Variants in SERPING1 observed in about 807,000 individuals in gnomAD.
SERPING1 encodes serpin family G member 1, also known as plasma protease C1 inhibitor.
In SERPING1, 5 loss-of-function variants were observed where a neutral mutation model predicts 34.1. The ratio of observed to expected loss-of-function variants is 0.15; its 90% CI spans 0.08 to 0.31. The LOEUF (loss-of-function observed/expected upper bound fraction) is 0.31. SERPING1 is among the 10% of genes least tolerant of loss of function. The probability of loss-of-function intolerance (pLI) is 1.00; values close to 1 mark genes in which losing one functional copy is unlikely to be tolerated. For synonymous variants in SERPING1, 225 were observed against 242.4 expected, an observed-to-expected ratio of 0.93 and a Z score of 0.67; for missense variants, 505 against 609.5, an observed-to-expected ratio of 0.83 and a Z score of 1.81.
chr11:57,604,774 A>G (rs1945390269), intron 4 of SERPING1, among the ~76,000 whole-genome samples: 1 of 151,932 alleles, frequency 6.6e-6, no homozygotes, highest in South Asian at 2.1e-4. Flanking sequence ...AGGCTGAGGT[A>G]GGAGGATTGC....
At chr11:57,613,583 C>G (rs1945504337) in intron 7 of SERPING1, among the ~76,000 whole-genome samples, 1 of 152,142 alleles carries the variant, frequency 6.6e-6, no homozygotes, top group Non-Finnish European at 1.5e-5. Context: ...GGTCCTGGGC[C>G]CAGCAGCATC....
chr11:57,609,629 C>T (rs1399982590), intron 6 of SERPING1, among the ~76,000 whole-genome samples: 1 of 152,010 alleles, frequency 6.6e-6, no homozygotes, highest in Non-Finnish European at 1.5e-5. Context: ...CTCATTTGTT[C>T]TTGAATTAAT....
rs774944411 is a variant in SERPING1, at chr11:57,600,066, C to G, written c.239C>G (p.Ala80Gly). 6.2e-7 allele frequency: 1 copy of G among 1,613,960 alleles called. No homozygotes were observed. Among genetic ancestry groups the G allele is most frequent in the Non-Finnish European group, 8.5e-7 (1 of 1,179,926 alleles). ...STTNSATKIT[A>G]NTTDEPTTQP... ...ACCAATTCAGCCACCAAAATAACAG[C>G]TAATACCACTGATGAACCCACCACA... The change falls in exon 3 of 8, where the codon GCT becomes GGT. Residue 80 changes from alanine (A) to glycine (G), a missense_variant. Physicochemically the swap from Ala to Gly is moderately conservative, Grantham distance 60 (BLOSUM62 0). Coordinates refer to ENST00000278407, the MANE Select transcript of SERPING1 (RefSeq NM_000062.3).
rs1945409759 is a variant in SERPING1 at position 57,606,385 on chromosome 11, ACCC to A, written c.890-22_890-20del. The stretch of plus-strand genomic sequence containing the variant: ...TCCTTTTCCTACCTGCATTAGAGCA[ACCC>A]TCCCACCTCTTCCCTCTAGCCAAGT... On this transcript the variant is annotated intron_variant, in intron 5 of 7. Transcript: ENST00000278407. 1 of 1,613,806 alleles carries A rather than the reference ACCC, an allele frequency of 6.2e-7. No individual in the cohort carries two copies. Among genetic ancestry groups the A allele is most frequent in the Non-Finnish European group, 8.5e-7 (1 of 1,179,920 alleles).
Position 57,611,891 on chromosome 11 carries a change from A to G in SERPING1, c.1204A>G (p.Lys402Glu). ...CACTCTCCTAACACTACCCCGCATC[A>G]AAGTGACGACCAGCCAGGATATGCT... ...QPTLLTLPRI[K>E]VTTSQDMLSI... Residue 402 changes from lysine to glutamate, a missense_variant, in exon 7 of 8, where the codon AAA becomes GAA. Physicochemically the swap from Lys to Glu is moderately conservative, Grantham distance 56. Coordinates refer to ENST00000278407, the MANE Select transcript of SERPING1 (RefSeq NM_000062.3). 1 of 1,614,198 alleles carries G rather than the reference A, an allele frequency of 6.2e-7. No homozygotes were observed. Among genetic ancestry groups the G allele is most frequent in the Non-Finnish European group, 8.5e-7 (1 of 1,180,042 alleles).
rs1237625875 is a variant in SERPING1, at chr11:57,614,615, T to A, written c.*34T>A. The A allele has an allele frequency of 6.2e-7, 1 of 1,605,236 alleles. No homozygotes were observed. Among genetic ancestry groups the A allele is most frequent in the Admixed American group, 1.7e-5 (1 of 59,634 alleles). On this transcript the variant is annotated 3_prime_UTR_variant, in exon 8 of 8. Coordinates refer to ENST00000278407, the MANE Select transcript of SERPING1 (RefSeq NM_000062.3). Reference sequence around the variant, plus strand: ...GGATCAGGTTAGGGCGAGCGCTACCTCTCCAGCCTCAGCTCTCAGTTGCAG... The same window carrying A: ...GGATCAGGTTAGGGCGAGCGCTACCACTCCAGCCTCAGCTCTCAGTTGCAG...
intron 6 of SERPING1, 53 bp from the exon 7 acceptor site, chr11:57,611,664 C>T: frequency 6.6e-7 from 1 of 1,512,408 alleles, no homozygotes; most frequent in Non-Finnish European, 9.2e-7. Context: ...GAGGGTGGGG[C>T]CAGGAGAGAG....
At chr11:57,598,117 C>T in intron 1 of SERPING1, 132 bp from the exon 2 acceptor site, 1 of 649,652 alleles carries the variant, frequency 1.5e-6, no homozygotes, top group South Asian at 2.1e-5. Context: ...GAAGGTGGCC[C>T]CAGGAGGGAG....
intron 4 of SERPING1, 116 bp from the exon 5 acceptor site, chr11:57,605,894 C>A: frequency 1.0e-6 from 1 of 997,880 alleles, no homozygotes; most frequent in Non-Finnish European, 1.6e-6. Context: ...CTCCACCATG[C>A]CGTATTCACT....
chr11:57,601,401 C>CAAA (rs34815456), intron 3 of SERPING1, among the ~76,000 whole-genome samples: 221 of 143,308 alleles, frequency 1.5e-3, no homozygotes, highest in South Asian at 2.0e-3. Context: ...GACTCTGTCT[C>CAAA]AAAAAAAAAA....
chr11:57,612,045 T>C (rs1246901700), intron 7 of SERPING1, 109 bp downstream of exon 7: 9 of 955,544 alleles, frequency 9.4e-6, no homozygotes, highest in Non-Finnish European at 1.3e-5. Flanking sequence ...ATAATCTCAG[T>C]TTGTCCTGCA....
At chr11:57,604,531 C>G (rs952885305) in intron 4 of SERPING1, among the ~76,000 whole-genome samples, 2 of 151,956 alleles carry the variant, frequency 1.3e-5, no homozygotes, top group Non-Finnish European at 2.9e-5. Context: ...GAGCTCCCCA[C>G]CCAGCCTCAG....
In SERPING1 at chr11:57,606,491, A is replaced by T; in HGVS notation, c.973A>T (p.Met325Leu). 1.2e-6 allele frequency: 2 copies of T among 1,614,202 alleles called. No homozygotes were observed. The highest frequency in any genetic ancestry group is 3.3e-5 in the Admixed American group (2 of 60,018). Residue 325 changes from methionine (M) to leucine (L), a missense_variant, in exon 6 of 8, where the codon ATG becomes TTG. Transcript: ENST00000278407. ...AAACTCAGTTATAAAAGTGCCCATG[A>T]TGAATAGCAAGAAGTACCCTGTGGC... ...FKNSVIKVPMMNSKKYPVAHF... is the reference protein window; with the variant it reads ...FKNSVIKVPMLNSKKYPVAHF...
chr11:57,605,942 T>C, intron 4 of SERPING1, 68 bp from the exon 5 acceptor site: 1 of 1,409,214 alleles, frequency 7.1e-7, no homozygotes, highest in Non-Finnish European at 1.0e-6. Context: ...ATGCTCACTC[T>C]CAAATCGTGC....
Position 57,600,141 on chromosome 11 carries a change from C to A in SERPING1, c.314C>A (p.Pro105Gln). The A allele has an allele frequency of 1.2e-6, 2 of 1,613,720 alleles. No homozygotes were observed. The highest frequency in any genetic ancestry group is 1.7e-6 in the Non-Finnish European group (2 of 1,179,858). The change falls in exon 3 of 8, where the codon CCA becomes CAA. Residue 105 changes from proline to glutamine, a missense_variant. Transcript: ENST00000278407. ...CAACCCACCATCCAACCCACCCAAC[C>A]AACTACCCAGCTCCCAACAGATTCT... ...TTQPTIQPTQ[P>Q]TTQLPTDSPT...
At chr11:57,612,700 A>C (rs1320233139) in intron 7 of SERPING1, among the ~76,000 whole-genome samples, 1 of 151,288 alleles carries the variant, frequency 6.6e-6, no homozygotes, top group East Asian at 1.9e-4. Flanking sequence ...TACAGGCATG[A>C]GTCACCGCGC....
chr11:57,613,026 T>C (rs2135326387), intron 7 of SERPING1, among the ~76,000 whole-genome samples: 1 of 152,254 alleles, frequency 6.6e-6, no homozygotes. Flanking sequence ...GGATTACAGG[T>C]GTGAGCCACT....
intron 6 of SERPING1, among the ~76,000 whole-genome samples, chr11:57,609,807 C>T (rs1945459520): frequency 6.6e-6 from 1 of 151,868 alleles, no homozygotes; most frequent in Non-Finnish European, 1.5e-5. Flanking sequence ...ACTCTATCAC[C>T]CAGTCTGGAG....
At chr11:57,611,518 C>A in intron 6 of SERPING1, 199 bp from the exon 7 acceptor site, 1 of 627,972 alleles carries the variant, frequency 1.6e-6, no homozygotes, top group Non-Finnish European at 2.9e-6. Flanking sequence ...CTCTACCTCT[C>A]CCCAGCACAG....
Sources: gnomAD v4.1 joint callset for allele counts (sites outside exome capture counted in the v4.1 genomes callset) on GRCh38, gnomAD v4.1.1 for gene constraint, MANE v1.5 for transcripts, NCBI Gene and HGNC (gene_info 2026-07-23, HGNC 2026-07-21) for gene names.